Variants in TENM1 observed in about 807,000 individuals in gnomAD.
The protein encoded by TENM1 is teneurin transmembrane protein 1.
TENM1 carries 35 observed loss-of-function variants against 174.8 expected under a neutral mutation model. That is an observed-to-expected ratio of 0.20 (90% CI 0.15 to 0.27). The LOEUF is 0.27. TENM1 is among the 10% of genes least tolerant of loss of function. TENM1 has a pLI of 1.00. For synonymous variants in TENM1, 781 were observed against 798.7 expected (o/e 0.98, Z 0.37); for missense variants, 1,633 against 2,130.1 (o/e 0.77, Z 4.59).
At chrX:124,977,314 G>A in the TENM1 span, among the ~76,000 whole-genome samples, 1 of 111,667 alleles carries the variant, frequency 9.0e-6, no homozygotes, top group Non-Finnish European at 1.9e-5. Context: ...GCTGTCTGTT[G>A]TTTTGAGAAA....
the TENM1 span, among the ~76,000 whole-genome samples, chrX:125,029,329 C>T: frequency 8.9e-6 from 1 of 111,928 alleles, no homozygotes; most frequent in East Asian, 2.8e-4. Flanking sequence ...GCCAAATTTC[C>T]CTATCTTGGA....
chrX:124,378,900 C>G (rs1469503628), exon 32 of TENM1: 1 of 112,657 alleles, frequency 8.9e-6, no homozygotes, highest in African/African-American at 3.2e-5. Context: ...AACATTCCAT[C>G]ATAAATTTGC....
At chrX:124,503,424 T>C (rs1323817295) in intron 19 of TENM1, 136 bp downstream of exon 22, 3 of 507,563 alleles carry the variant, frequency 5.9e-6, no homozygotes, top group Non-Finnish European at 9.4e-6. Flanking sequence ...ATAGAATTAT[T>C]ATGTTTAATG....
At chrX:124,912,113 T>C (rs1046445470) in intron 1 of TENM1, among the ~76,000 whole-genome samples, 4 of 111,777 alleles carry the variant, frequency 3.6e-5, no homozygotes, top group Admixed American at 9.5e-5. Flanking sequence ...ACACAGATTT[T>C]CATCTGTATA....
chrX:124,519,852 T>A (rs1300969443), intron 18 of TENM1, among the ~76,000 whole-genome samples: 1 of 111,647 alleles, frequency 9.0e-6, no homozygotes, highest in Non-Finnish European at 1.9e-5. Flanking sequence ...GTATAGTGAG[T>A]TCTTTTAAAA....
At chrX:125,012,622 T>C in the TENM1 span, among the ~76,000 whole-genome samples, 1 of 111,838 alleles carries the variant, frequency 8.9e-6, no homozygotes, top group Non-Finnish European at 1.9e-5. Context: ...AATTTCTATA[T>C]CCAGTTGGAA....
At position 124,506,489 on chromosome X, in the gene TENM1, T is replaced by A. The variant is rs149899569; in HGVS notation, c.3302-2786A>T. ...ACTTTTTTTCCCCAGCCACAGCAAATAGCAACAAGGCAACCACTTACTAAG... is the reference window on the plus strand; with the variant it reads ...ACTTTTTTTCCCCAGCCACAGCAAAAAGCAACAAGGCAACCACTTACTAAG... On this transcript the variant is annotated intron_variant, in intron 18 of 31. Coordinates refer to ENST00000422452, the Ensembl canonical transcript of TENM1. 7.8e-3 allele frequency among the ~76,000 whole-genome samples: 868 copies of A among 111,726 alleles called. 6 individuals carry two copies. The highest frequency in any genetic ancestry group is 0.027 in the African/African-American group (823 of 30,781).
chrX:124,651,791 C>T, intron 8 of TENM1, 123 bp downstream of exon 11: 1 of 987,121 alleles, frequency 1.0e-6, no homozygotes, highest in Non-Finnish European at 1.3e-6. Flanking sequence ...GTAACCTTTC[C>T]TCAATAATGA....
the TENM1 span, among the ~76,000 whole-genome samples, chrX:125,079,939 C>T: frequency 1.8e-5 from 2 of 111,180 alleles, no homozygotes; most frequent in Admixed American, 9.6e-5. Context: ...GTAAGAGAAC[C>T]ACTGGAGGCT....
intron 22 of TENM1, among the ~76,000 whole-genome samples, chrX:124,468,380 G>A (rs1327502473): frequency 9.0e-6 from 1 of 111,195 alleles, no homozygotes; most frequent in Non-Finnish European, 1.9e-5. Flanking sequence ...GTTTCATCAT[G>A]TTGGCCAGGC....
At chrX:125,154,379 A>G in the TENM1 span, among the ~76,000 whole-genome samples, 1 of 112,222 alleles carries the variant, frequency 8.9e-6, no homozygotes, top group Non-Finnish European at 1.9e-5. Flanking sequence ...CTGAGACGCA[A>G]TTAAGAGTAA....
chrX:124,855,837 G>T (rs761891595), intron 3 of TENM1, among the ~76,000 whole-genome samples: 1 of 111,619 alleles, frequency 9.0e-6, no homozygotes, highest in African/African-American at 3.2e-5. Context: ...ATAAAGAAAA[G>T]AGGAAAGGAA....
At chrX:124,670,715 G>A (rs756914467) in intron 6 of TENM1, among the ~76,000 whole-genome samples, 5 of 110,926 alleles carry the variant, frequency 4.5e-5, no homozygotes, top group South Asian at 3.8e-4. Flanking sequence ...CCGCCACCAC[G>A]AAAGGAATTA....
chrX:124,493,690 G>C (rs1569543), intron 20 of TENM1, among the ~76,000 whole-genome samples: 35,370 of 110,174 alleles, frequency 0.32, 6,030 homozygotes, highest in African/African-American at 0.66. Context: ...AGGCATACAA[G>C]CAACCATCTT....
chrX:124,474,553 T>C (rs866441416), intron 22 of TENM1, among the ~76,000 whole-genome samples: 1 of 111,749 alleles, frequency 8.9e-6, no homozygotes, highest in Non-Finnish European at 1.9e-5. Flanking sequence ...TTATAAAAAT[T>C]GAAAAAACTT....
chrX:125,203,747 G>T, the TENM1 span: 1 of 112,829 alleles, frequency 8.9e-6, no homozygotes, highest in African/African-American at 3.2e-5. Context: ...TAGAAGGTTG[G>T]GGGTGGCGGG....
intron 15 of TENM1, among the ~76,000 whole-genome samples, chrX:124,545,100 C>T (rs542494696): frequency 1.8e-5 from 2 of 111,766 alleles, no homozygotes; most frequent in Admixed American, 9.5e-5. Context: ...ACTTTCCTCA[C>T]GAAAAGCCTT....
chrX:124,961,603 C>G lies in TENM1; in HGVS notation c.217+1934G>C, dbSNP rs966461072. Among the ~76,000 whole-genome samples, 4 of 110,963 alleles carry G rather than the reference C, an allele frequency of 3.6e-5. No homozygotes were observed. The East Asian group carries it at 1.1e-3, about 31-fold the overall frequency. On this transcript the variant is annotated intron_variant, in intron 1 of 31. Transcript: ENST00000422452. Reference sequence around the variant, plus strand: ...AGGTTGCAGTGAGCCAAGATCATGCCACTGCATTCCAGCCTGGGCAACAGA... The same window carrying G: ...AGGTTGCAGTGAGCCAAGATCATGCGACTGCATTCCAGCCTGGGCAACAGA...
chrX:125,040,970 C>CTATTAATAGAAAGATCTCTTTCT, the TENM1 span, among the ~76,000 whole-genome samples: 1 of 111,477 alleles, frequency 9.0e-6, no homozygotes, highest in Admixed American at 9.6e-5. Context: ...TATTAAAGAT[C>CTATTAATAGAAAGATCTCTTTCT]ACTTAACTTG....
Sources: allele counts gnomAD v4.1 joint callset (sites outside exome capture counted in the v4.1 genomes callset), GRCh38; gene constraint gnomAD v4.1.1; transcripts MANE v1.5; gene names NCBI Gene and HGNC (gene_info 2026-07-23, HGNC 2026-07-21).